The following SGCD variants were observed in gnomAD, a reference collection of about 807,000 sequenced individuals.
SGCD encodes the protein sarcoglycan delta.
SGCD carries 18 observed loss-of-function variants against 36.6 expected under a neutral mutation model. The ratio of observed to expected loss-of-function variants is 0.49; its 90% CI spans 0.34 to 0.73. The LOEUF is 0.73. SGCD is among the 30% of genes least tolerant of loss of function. The pLI is 0.01. For missense variants in SGCD, 387 were observed against 346.7 expected, an observed-to-expected ratio of 1.12 and a Z score of -0.92; for synonymous variants, 133 against 130.6, an observed-to-expected ratio of 1.02 and a Z score of -0.12.
the SGCD span, among the ~76,000 whole-genome samples, chr5:155,814,199 G>A: frequency 6.6e-6 from 1 of 152,248 alleles, no homozygotes; most frequent in Non-Finnish European, 1.5e-5. Flanking sequence ...CACCCACGTG[G>A]CTCTTGTTTC....
At chr5:156,613,570 G>T (rs1419414701) in intron 6 of SGCD, among the ~76,000 whole-genome samples, 1 of 152,174 alleles carries the variant, frequency 6.6e-6, no homozygotes, top group Non-Finnish European at 1.5e-5. Flanking sequence ...TAAGACAGTG[G>T]ATCTCAAAAA....
chr5:156,729,555 C>T (rs1202470584), intron 7 of SGCD, among the ~76,000 whole-genome samples: 4 of 152,176 alleles, frequency 2.6e-5, no homozygotes, highest in African/African-American at 7.2e-5. Flanking sequence ...TCTTGGAATA[C>T]AAGAAGCACT....
chr5:156,107,284 G>GT (rs1458238041), intron 1 of SGCD, among the ~76,000 whole-genome samples: 1 of 152,112 alleles, frequency 6.6e-6, no homozygotes, highest in Non-Finnish European at 1.5e-5. Flanking sequence ...AGGTTAAGTG[G>GT]TTTTAAATCC....
rs1054908415 is a variant in SGCD at position 156,762,280 on chromosome 5, T to G, written c.*2890T>G. ...ACCTTCAATATACTAGAAGTTCTAGTAGGTTAATATTGTTCAGAAGATTTT... is the reference window on the plus strand; with the variant it reads ...ACCTTCAATATACTAGAAGTTCTAGGAGGTTAATATTGTTCAGAAGATTTT... On this transcript the variant is annotated 3_prime_UTR_variant, in exon 9 of 9. Transcript: ENST00000337851. The G allele has an allele frequency of 1.3e-5, 2 of 152,660 alleles. No homozygotes were observed. The highest frequency in any genetic ancestry group is 2.4e-5 in the African/African-American group (1 of 41,456). The allele number at this position is 152,660 out of a possible 1,614,324, so 9.5% of individuals were successfully genotyped here. A position where few individuals can be genotyped will look rare whatever the true frequency, so the allele number is the denominator to read the frequency against.
At chr5:156,166,663 C>A (rs1418465656) in intron 3 of SGCD, among the ~76,000 whole-genome samples, 1 of 152,196 alleles carries the variant, frequency 6.6e-6, no homozygotes, top group African/African-American at 2.4e-5. Flanking sequence ...ATTAGTCGTT[C>A]TGACTGAACA....
the SGCD span, among the ~76,000 whole-genome samples, chr5:155,740,291 A>G: frequency 6.6e-6 from 1 of 151,974 alleles, no homozygotes; most frequent in African/African-American, 2.4e-5. Flanking sequence ...GTATCTCTCA[A>G]CTCTTAGCAA....
chr5:156,733,209 TCTTAACACTTC>T (rs996649875), intron 7 of SGCD, among the ~76,000 whole-genome samples: 4 of 152,164 alleles, frequency 2.6e-5, no homozygotes, highest in Non-Finnish European at 5.9e-5. Flanking sequence ...TCAATTTCCC[TCTTAACACTTC>T]CTTAGCTGTG....
At chr5:156,409,237 T>C (rs1366264064) in intron 3 of SGCD, among the ~76,000 whole-genome samples, 1 of 152,158 alleles carries the variant, frequency 6.6e-6, no homozygotes, top group Non-Finnish European at 1.5e-5. Flanking sequence ...ACCCCTTTTT[T>C]CCTTCCTTTC....
chr5:156,009,650 GC>G (rs1758819478), intron 1 of SGCD, among the ~76,000 whole-genome samples: 1 of 152,178 alleles, frequency 6.6e-6, no homozygotes, highest in African/African-American at 2.4e-5. Context: ...GTTATGGCTG[GC>G]CCAGGGACCG....
the SGCD span, among the ~76,000 whole-genome samples, chr5:155,793,019 T>C: frequency 6.6e-6 from 1 of 152,006 alleles, no homozygotes; most frequent in Non-Finnish European, 1.5e-5. Context: ...CCATCAGTGG[T>C]GGAATGGGTA....
intron 1 of SGCD, among the ~76,000 whole-genome samples, chr5:156,080,368 C>T (rs940047883): frequency 3.3e-5 from 5 of 152,294 alleles, no homozygotes; most frequent in African/African-American, 1.2e-4. Context: ...GCACTTGCCT[C>T]CTTTTTAGGT....
intron 4 of SGCD, among the ~76,000 whole-genome samples, chr5:156,528,374 AT>A (rs1278101735): frequency 5.3e-5 from 8 of 152,196 alleles, no homozygotes; most frequent in African/African-American, 1.7e-4. Flanking sequence ...AATACTATAT[AT>A]TATTAGCATT....
At chr5:156,364,685 C>T (rs1273263092) in intron 3 of SGCD, among the ~76,000 whole-genome samples, 1 of 152,084 alleles carries the variant, frequency 6.6e-6, no homozygotes, top group African/African-American at 2.4e-5. Flanking sequence ...GATTTTTGCT[C>T]ATTTCAGAGG....
chr5:156,384,309 T>C (rs1203394645), intron 3 of SGCD, among the ~76,000 whole-genome samples: 3 of 152,232 alleles, frequency 2.0e-5, no homozygotes, highest in Admixed American at 1.3e-4. Context: ...AAATCCCTTC[T>C]TCCAGGAAGC....
At chr5:156,753,293 C>T (rs763290627) in intron 7 of SGCD, among the ~76,000 whole-genome samples, 2 of 152,330 alleles carry the variant, frequency 1.3e-5, no homozygotes, top group Non-Finnish European at 1.5e-5. Context: ...TTCAGTGAGG[C>T]TCTTCTTTCT....
chr5:156,215,547 G>T (rs1764548512), intron 3 of SGCD, among the ~76,000 whole-genome samples: 1 of 152,058 alleles, frequency 6.6e-6, no homozygotes, highest in East Asian at 1.9e-4. Flanking sequence ...CTTAAAAGAA[G>T]ACATACAATA....
chr5:156,127,646 T>G (rs1762206763), intron 3 of SGCD, among the ~76,000 whole-genome samples: 1 of 151,268 alleles, frequency 6.6e-6, no homozygotes, highest in Admixed American at 6.6e-5. Flanking sequence ...AATAAAACAA[T>G]AGAGAGTTCT....
intron 3 of SGCD, among the ~76,000 whole-genome samples, chr5:156,377,182 CTAAT>C (rs550001373): frequency 1.2e-4 from 19 of 152,230 alleles, no homozygotes; most frequent in African/African-American, 3.9e-4. Flanking sequence ...GCTAATTAGT[CTAAT>C]TAATTCATCT....
chr5:155,734,536 C>G, the SGCD span, among the ~76,000 whole-genome samples: 1 of 152,138 alleles, frequency 6.6e-6, no homozygotes, highest in Non-Finnish European at 1.5e-5. Context: ...AGCAGACTGA[C>G]AGAATCCAGA....
Sources: allele counts gnomAD v4.1 joint callset (sites outside exome capture counted in the v4.1 genomes callset), GRCh38; gene constraint gnomAD v4.1.1; transcripts MANE v1.5; gene names NCBI Gene and HGNC (gene_info 2026-07-23, HGNC 2026-07-21).